The following ZNF704 variants were observed in gnomAD, a reference collection of about 807,000 sequenced individuals.
ZNF704 encodes the protein zinc finger protein 704.
In ZNF704, 10 loss-of-function variants were observed where a neutral mutation model predicts 44.7. The ratio of observed to expected loss-of-function variants is 0.22; its 90% CI spans 0.14 to 0.38. The LOEUF (loss-of-function observed/expected upper bound fraction) is 0.38. Among genes scored for constraint, ZNF704 ranks in the 10% least tolerant of loss-of-function variants. ZNF704 has a pLI of 1.00. For synonymous variants in ZNF704, 211 were observed against 207.6 expected (o/e 1.02, Z -0.14); for missense variants, 390 against 545.5 (o/e 0.71, Z 2.84).
intron 2 of ZNF704, among the ~76,000 whole-genome samples, chr8:80,739,745 A>C (rs1806724516): frequency 6.6e-6 from 1 of 152,270 alleles, no homozygotes; most frequent in Non-Finnish European, 1.5e-5. Context: ...AGCTGGGCAA[A>C]CTGAATGCTA....
chr8:80,774,462 G>C (rs1807377093), intron 2 of ZNF704, among the ~76,000 whole-genome samples: 1 of 152,124 alleles, frequency 6.6e-6, no homozygotes, highest in Admixed American at 6.5e-5. Context: ...GGGGACAGAA[G>C]TCTAGGTTTT....
intron 2 of ZNF704, among the ~76,000 whole-genome samples, chr8:80,700,944 C>A (rs1305687220): frequency 6.6e-6 from 1 of 152,148 alleles, no homozygotes; most frequent in East Asian, 1.9e-4. Flanking sequence ...CAGAGACAGC[C>A]AGTCTCTGGA....
intron 4 of ZNF704, among the ~76,000 whole-genome samples, chr8:80,681,054 T>G (rs946690822): frequency 1.3e-5 from 2 of 152,216 alleles, no homozygotes; most frequent in African/African-American, 4.8e-5. Context: ...AGTAGTTTGC[T>G]CCCTTTTATG....
Position 80,740,931 on chromosome 8 carries a change from C to T in ZNF704, c.222-47824G>A, listed in dbSNP as rs545119675. 8.5e-5 allele frequency among the ~76,000 whole-genome samples: 13 copies of T among 152,360 alleles called. No individual in the cohort carries two copies. The South Asian group carries it at 2.7e-3, about 32-fold the overall frequency. The stretch of plus-strand genomic sequence containing the variant: ...ATTCAGAAACCTTGCTCCATCAAGC[C>T]ACCCAAGCGCTTTTAAACTTCCTTG... On this transcript the variant is annotated intron_variant, in intron 2 of 8. Transcript: ENST00000327835.
intron 2 of ZNF704, among the ~76,000 whole-genome samples, chr8:80,781,723 T>C (rs1456151087): frequency 6.6e-6 from 1 of 152,196 alleles, no homozygotes; most frequent in Non-Finnish European, 1.5e-5. Context: ...CCACCACATT[T>C]ACAGAAGGGT....
chr8:80,798,193 A>T (rs1181441685), intron 2 of ZNF704, among the ~76,000 whole-genome samples: 2 of 151,022 alleles, frequency 1.3e-5, no homozygotes, highest in Non-Finnish European at 2.9e-5. Flanking sequence ...GCCTTTACAC[A>T]TGTTTCCAAT....
intron 1 of ZNF704, among the ~76,000 whole-genome samples, chr8:80,864,062 A>G (rs1048845295): frequency 2.6e-5 from 4 of 152,192 alleles, no homozygotes; most frequent in Non-Finnish European, 5.9e-5. Context: ...TAAGTTTCAC[A>G]CACAATAATG....
chr8:80,790,948 C>T (rs547938345), intron 2 of ZNF704, among the ~76,000 whole-genome samples: 23 of 151,980 alleles, frequency 1.5e-4, no homozygotes, highest in Non-Finnish European at 3.4e-4. Flanking sequence ...TTGCCAGGGC[C>T]ATGTCTCAGG....
rs112865290 is a variant in ZNF704, at chr8:80,655,085, G to A, written c.1032+4500C>T. 5.2e-3 allele frequency among the ~76,000 whole-genome samples: 795 copies of A among 151,704 alleles called. 6 individuals carry two copies. Among genetic ancestry groups the A allele is most frequent in the African/African-American group, 0.018 (745 of 41,388 alleles). ...AAACCATCATTCTCAGCAAACTATC[G>A]CAAAGACAAAAAACCAAACGCTGCA... On this transcript the variant is annotated intron_variant, in intron 7 of 8. Coordinates refer to ENST00000327835, the MANE Select transcript of ZNF704 (RefSeq NM_001033723.3).
intron 3 of ZNF704, among the ~76,000 whole-genome samples, chr8:80,688,065 C>T (rs1007562435): frequency 7.2e-5 from 11 of 151,886 alleles, no homozygotes; most frequent in South Asian, 2.1e-4. Context: ...ATGATTAGCC[C>T]GGCGTGGTGG....
At chr8:80,809,049 T>C (rs772214441) in intron 2 of ZNF704, among the ~76,000 whole-genome samples, 8 of 152,206 alleles carry the variant, frequency 5.3e-5, no homozygotes, top group Non-Finnish European at 1.0e-4. Flanking sequence ...CCCAGCACTT[T>C]GGGAGGCCAA....
chr8:80,720,805 T>C (rs1819152955), intron 2 of ZNF704, among the ~76,000 whole-genome samples: 1 of 152,206 alleles, frequency 6.6e-6, no homozygotes, highest in African/African-American at 2.4e-5. Flanking sequence ...ACTTGGAAGC[T>C]TAAATGCAAC....
chr8:80,827,235 T>A (rs911049672), intron 1 of ZNF704, among the ~76,000 whole-genome samples: 4 of 152,186 alleles, frequency 2.6e-5, no homozygotes, highest in Non-Finnish European at 4.4e-5. Context: ...AGTGTCAGGA[T>A]ACAAAATCAA....
chr8:80,662,980 T>C (rs1818124425), intron 6 of ZNF704, among the ~76,000 whole-genome samples: 2 of 152,200 alleles, frequency 1.3e-5, no homozygotes, highest in African/African-American at 4.8e-5. Context: ...ATTACAAGTA[T>C]GTAAAGGAGA....
chr8:80,667,035 G>A (rs1055780236), intron 5 of ZNF704, among the ~76,000 whole-genome samples: 2 of 152,172 alleles, frequency 1.3e-5, no homozygotes, highest in Non-Finnish European at 1.5e-5. Context: ...CTGAGGAGGT[G>A]ACGTTTGAGT....
At chr8:80,825,175 G>A (rs201011522) in intron 1 of ZNF704, among the ~76,000 whole-genome samples, 14 of 152,114 alleles carry the variant, frequency 9.2e-5, no homozygotes, top group African/African-American at 7.2e-5. Context: ...GTATTCAGGA[G>A]ACCCATCTCA....
intron 2 of ZNF704, among the ~76,000 whole-genome samples, chr8:80,772,111 T>C (rs988656905): frequency 3.3e-5 from 5 of 152,198 alleles, no homozygotes; most frequent in Admixed American, 3.3e-4. Context: ...TATTGCTGAA[T>C]TCTATTTGCC....
intron 2 of ZNF704, among the ~76,000 whole-genome samples, chr8:80,805,136 C>T (rs1807968209): frequency 6.6e-6 from 1 of 152,160 alleles, no homozygotes. Flanking sequence ...TACCTTTCAT[C>T]AACAGGCCAA....
intron 1 of ZNF704, among the ~76,000 whole-genome samples, chr8:80,861,941 TAA>T (rs1386744643): frequency 2.8e-5 from 4 of 144,582 alleles, no homozygotes; most frequent in African/African-American, 7.7e-5. Flanking sequence ...CAAAGTTTAC[TAA>T]AGTTCAATAA....
Sources: gnomAD v4.1 joint callset for allele counts (sites outside exome capture counted in the v4.1 genomes callset) on GRCh38, gnomAD v4.1.1 for gene constraint, MANE v1.5 for transcripts, NCBI Gene and HGNC (gene_info 2026-07-23, HGNC 2026-07-21) for gene names.